The following GPM6A variants were observed in gnomAD, a reference collection of about 807,000 sequenced individuals.
The protein encoded by GPM6A is neuronal membrane glycoprotein M6-a.
A neutral mutation model predicts 32.1 loss-of-function variants in GPM6A; 7 were observed. That is an observed-to-expected ratio of 0.22 (90% CI 0.12 to 0.41). GPM6A has a LOEUF of 0.41. Among genes scored for constraint, GPM6A ranks in the 10% least tolerant of loss-of-function variants. The pLI is 1.00. For synonymous variants in GPM6A, 130 were observed against 123.4 expected, an observed-to-expected ratio of 1.05 and a Z score of -0.35; for missense variants, 235 against 347.2, an observed-to-expected ratio of 0.68 and a Z score of 2.57.
At chr4:175,935,610 T>G (rs1579642191) in intron 1 of GPM6A, among the ~76,000 whole-genome samples, 1 of 152,034 alleles carries the variant, frequency 6.6e-6, no homozygotes, top group Admixed American at 6.6e-5. Flanking sequence ...ATATTCCTTA[T>G]GAAGAAAAAT....
At chr4:175,964,646 A>T (rs1740277748) in intron 1 of GPM6A, among the ~76,000 whole-genome samples, 1 of 152,106 alleles carries the variant, frequency 6.6e-6, no homozygotes, top group Non-Finnish European at 1.5e-5. Context: ...GATTAGGGCC[A>T]CCCTAATGAC....
At chr4:175,930,554 C>G (rs149368711) in intron 1 of GPM6A, among the ~76,000 whole-genome samples, 1 of 151,802 alleles carries the variant, frequency 6.6e-6, no homozygotes, top group East Asian at 1.9e-4. Context: ...TTATACTCAA[C>G]TCTGAATTTC....
At chr4:175,973,003 T>A (rs1319600419) in intron 1 of GPM6A, among the ~76,000 whole-genome samples, 1 of 152,170 alleles carries the variant, frequency 6.6e-6, no homozygotes, top group African/African-American at 2.4e-5. Context: ...CCATTGATAA[T>A]CTCACAATGC....
intron 1 of GPM6A, among the ~76,000 whole-genome samples, chr4:175,730,618 C>T (rs1490099675): frequency 2.6e-5 from 4 of 151,688 alleles, no homozygotes; most frequent in Non-Finnish European, 5.9e-5. Flanking sequence ...CTACAGGCGC[C>T]CGCCACCACG....
intron 1 of GPM6A, among the ~76,000 whole-genome samples, chr4:175,984,354 G>A (rs1383102326): frequency 2.0e-5 from 3 of 152,036 alleles, no homozygotes; most frequent in Non-Finnish European, 2.9e-5. Flanking sequence ...TAGTAGAGAC[G>A]AGGTTTCACC....
chr4:175,809,052 TGTCCA>T (rs1305378510), intron 1 of GPM6A, among the ~76,000 whole-genome samples: 1 of 152,222 alleles, frequency 6.6e-6, no homozygotes, highest in Admixed American at 6.5e-5. Context: ...TCATTAGGGC[TGTCCA>T]TGAAGAGATG....
At chr4:175,854,299 G>T (rs1038789581) in intron 1 of GPM6A, among the ~76,000 whole-genome samples, 36 of 152,042 alleles carry the variant, frequency 2.4e-4, no homozygotes, top group African/African-American at 7.7e-4. Context: ...ATGAAGGCTC[G>T]AACTAAAAGA....
chr4:175,764,355 TCTTATGCTTGAATGTTATTC>T, intron 1 of GPM6A, among the ~76,000 whole-genome samples: 2 of 152,334 alleles, frequency 1.3e-5, no homozygotes, highest in Non-Finnish European at 2.9e-5. Flanking sequence ...CTTCATTCTT[TCTTATGCTTGAATGTTATTC>T]CATTGTATGG....
At chr4:175,794,455 T>C (rs902346566) in intron 1 of GPM6A, among the ~76,000 whole-genome samples, 1 of 152,242 alleles carries the variant, frequency 6.6e-6, no homozygotes, top group African/African-American at 2.4e-5. Context: ...ACACAATAAC[T>C]TAAACAAGGA....
At chr4:175,872,671 T>G (rs2111441368) in intron 1 of GPM6A, 1 of 152,328 alleles carries the variant, frequency 6.6e-6, no homozygotes, top group Admixed American at 6.5e-5. Flanking sequence ...ACAGTAAAGT[T>G]TCTCCAATGC....
intron 1 of GPM6A, among the ~76,000 whole-genome samples, chr4:175,942,150 A>G (rs1480802768): frequency 6.6e-6 from 1 of 152,046 alleles, no homozygotes; most frequent in Non-Finnish European, 1.5e-5. Context: ...GCTTTTTTAA[A>G]TATGTTTGTT....
At chr4:175,863,709 T>C (rs550825380) in intron 1 of GPM6A, among the ~76,000 whole-genome samples, 1 of 152,268 alleles carries the variant, frequency 6.6e-6, no homozygotes, top group East Asian at 1.9e-4. Context: ...GTATAAAAGT[T>C]CCATTTTCTT....
At chr4:175,956,924 A>G (rs921842302) in intron 1 of GPM6A, among the ~76,000 whole-genome samples, 2 of 152,244 alleles carry the variant, frequency 1.3e-5, no homozygotes, top group African/African-American at 4.8e-5. Flanking sequence ...GAGTACATAT[A>G]GTCAGAGATT....
intron 1 of GPM6A, among the ~76,000 whole-genome samples, chr4:175,835,248 G>C (rs1241518336): frequency 6.6e-6 from 1 of 152,062 alleles, no homozygotes; most frequent in African/African-American, 2.4e-5. Flanking sequence ...TAAATGATTA[G>C]GAAACGTAAA....
At chr4:175,646,264 T>G (rs1225162734) in intron 4 of GPM6A, among the ~76,000 whole-genome samples, 2 of 152,240 alleles carry the variant, frequency 1.3e-5, no homozygotes, top group Non-Finnish European at 2.9e-5. Context: ...ATTATTGAAT[T>G]ATTTAGCAGA....
Position 175,653,098 on chromosome 4 carries a change from C to A in GPM6A, c.388-1111G>T, listed in dbSNP as rs574043598. Among the ~76,000 whole-genome samples the A allele has an allele frequency of 1.6e-4, 24 of 152,234 alleles. No homozygotes were observed. The South Asian group carries it at 4.8e-3, about 30-fold the overall frequency. ...CCCACGATTTAGGTGAAATCTCAAA[C>A]AAGTCAAACTTATTCAATAACCCTC... On this transcript the variant is annotated intron_variant, in intron 3 of 6. Coordinates refer to ENST00000393658, the MANE Select transcript of GPM6A (RefSeq NM_201591.3).
At chr4:175,759,351 A>T (rs990544567) in intron 1 of GPM6A, among the ~76,000 whole-genome samples, 3 of 152,190 alleles carry the variant, frequency 2.0e-5, no homozygotes, top group African/African-American at 7.2e-5. Context: ...ATTCTTCAAG[A>T]CAACTTAGCA....
chr4:175,886,290 A>G (rs73871247), intron 1 of GPM6A, among the ~76,000 whole-genome samples: 2,471 of 152,302 alleles, frequency 0.016, 67 homozygotes, highest in African/African-American at 0.056. Context: ...CCATAAGAGC[A>G]TTATAATTAG....
At chr4:175,888,993 T>C (rs1005585915) in intron 1 of GPM6A, among the ~76,000 whole-genome samples, 3 of 152,174 alleles carry the variant, frequency 2.0e-5, no homozygotes, top group Non-Finnish European at 4.4e-5. Context: ...AATAGATCCC[T>C]GTAGTTATAA....
Sources: allele counts gnomAD v4.1 joint callset (sites outside exome capture counted in the v4.1 genomes callset), GRCh38; gene constraint gnomAD v4.1.1; transcripts MANE v1.5; gene names NCBI Gene and HGNC (gene_info 2026-07-23, HGNC 2026-07-21).